The following TEX29 variants were observed in gnomAD, a reference collection of about 807,000 sequenced individuals.
TEX29 encodes the protein testis-expressed protein 29.
A neutral mutation model predicts 18.2 loss-of-function variants in TEX29; 26 were observed. The ratio of observed to expected loss-of-function variants is 1.43; its 90% CI spans 1.04 to 1.98. The LOEUF (loss-of-function observed/expected upper bound fraction) is 1.98. Among genes scored for constraint, TEX29 ranks in the 30% most tolerant of loss-of-function variants. The pLI, the probability that TEX29 is intolerant of heterozygous loss-of-function variation, is 0.00. For synonymous variants in TEX29, 83 were observed against 78.5 expected (o/e 1.06, Z -0.31); for missense variants, 177 against 194.2 (o/e 0.91, Z 0.53).
At chr13:111,326,247 A>AGCGTGAGGCTGTCTGGTGGGGTGGAGGAG (rs2093672786) in intron 2 of TEX29, among the ~76,000 whole-genome samples, 6 of 132,584 alleles carry the variant, frequency 4.5e-5, no homozygotes, top group South Asian at 2.4e-4. Flanking sequence ...GACTGCGGGC[A>AGCGTGAGGCTGTCTGGTGGGGTGGAGGAG]ACGCGAGCCT....
upstream of TEX29, among the ~76,000 whole-genome samples, chr13:111,319,647 A>G (rs2093660517): frequency 6.6e-6 from 1 of 152,128 alleles, no homozygotes. Context: ...TAGTTGATTG[A>G]CACAGTGTCT....
chr13:111,323,409 C>T (rs1178192812), intron 2 of TEX29, among the ~76,000 whole-genome samples: 1 of 152,242 alleles, frequency 6.6e-6, no homozygotes, highest in Non-Finnish European at 1.5e-5. Context: ...GGGGATACAG[C>T]CTCGGCTGCT....
chr13:111,319,892 G>A (rs1028111206), upstream of TEX29, among the ~76,000 whole-genome samples: 2 of 152,112 alleles, frequency 1.3e-5, no homozygotes, highest in African/African-American at 2.4e-5. Context: ...CAAACCTCCC[G>A]ACAGCCGTTT....
chr13:111,339,268 C>T (rs1465007771), intron 3 of TEX29: 1 of 455,044 alleles, frequency 2.2e-6, no homozygotes, highest in East Asian at 6.9e-5. Flanking sequence ...TGTCTATGAT[C>T]CAATAAGTGT....
At chr13:111,331,976 G>T (rs2093683422) in intron 3 of TEX29, among the ~76,000 whole-genome samples, 1 of 152,170 alleles carries the variant, frequency 6.6e-6, no homozygotes, top group South Asian at 2.1e-4. Flanking sequence ...TTTGAAATCA[G>T]AATGTGTGAG....
At chr13:111,332,918 G>A (rs945353699) in intron 3 of TEX29, among the ~76,000 whole-genome samples, 3 of 152,080 alleles carry the variant, frequency 2.0e-5, no homozygotes, top group African/African-American at 7.2e-5. Context: ...TTCGTATAAA[G>A]AAGCTTTGCC....
At chr13:111,326,620 G>C (rs1196916676) in intron 2 of TEX29, among the ~76,000 whole-genome samples, 1 of 147,344 alleles carries the variant, frequency 6.8e-6, no homozygotes, top group Admixed American at 6.7e-5. Context: ...GAGCCTGTCT[G>C]GTGGGGTGGA....
chr13:111,318,251 C>T (rs2093657818), upstream of TEX29, among the ~76,000 whole-genome samples: 1 of 152,126 alleles, frequency 6.6e-6, no homozygotes. Flanking sequence ...GGTAACGGGT[C>T]CCCGTGGCAC....
At chr13:111,327,569 C>A (rs2093676105) in intron 2 of TEX29, among the ~76,000 whole-genome samples, 1 of 152,130 alleles carries the variant, frequency 6.6e-6, no homozygotes, top group Non-Finnish European at 1.5e-5. Context: ...TGGCCCATGG[C>A]CGATCAAGGC....
At chr13:111,334,955 G>A (rs1214831421) in intron 3 of TEX29, among the ~76,000 whole-genome samples, 2 of 152,226 alleles carry the variant, frequency 1.3e-5, no homozygotes, top group Admixed American at 6.5e-5. Flanking sequence ...GAGCTGGAGG[G>A]TGGGCAGGAG....
At chr13:111,327,674 C>A (rs1038409487) in intron 2 of TEX29, among the ~76,000 whole-genome samples, 4 of 152,234 alleles carry the variant, frequency 2.6e-5, no homozygotes, top group Non-Finnish European at 5.9e-5. Flanking sequence ...CTTCCTTTAC[C>A]TCCCACGGCG....
chr13:111,337,924 G>A (rs968356267), intron 3 of TEX29, among the ~76,000 whole-genome samples: 5 of 152,082 alleles, frequency 3.3e-5, no homozygotes, highest in South Asian at 4.2e-4. Context: ...AGGTCACCTC[G>A]GTATGAGGAA....
chr13:111,320,234 C>T (rs9560042), upstream of TEX29, among the ~76,000 whole-genome samples: 25,904 of 152,168 alleles, frequency 0.17, 3,532 homozygotes, highest in East Asian at 0.74. Context: ...GGGCCTGGTC[C>T]GAGGCAGCTA....
chr13:111,316,896 A>G (rs564929928), upstream of TEX29, among the ~76,000 whole-genome samples: 39 of 152,268 alleles, frequency 2.6e-4, no homozygotes, highest in East Asian at 1.9e-3. Context: ...GGGGAAGGGG[A>G]GGCAAGGCAC....
chr13:111,336,316 T>A (rs1012621531), intron 3 of TEX29, among the ~76,000 whole-genome samples: 1 of 152,238 alleles, frequency 6.6e-6, no homozygotes, highest in Admixed American at 6.5e-5. Context: ...TTCTTTGACA[T>A]CTTTCTCATT....
chr13:111,320,961 G>A lies in TEX29; in HGVS notation c.58+13G>A. ...AAGCAATTCACAGGTATGGAGGGAAGGCGCCAGGGGGGCGGGTGGGGTGGG... is the reference window on the plus strand; with the variant it reads ...AAGCAATTCACAGGTATGGAGGGAAAGCGCCAGGGGGGCGGGTGGGGTGGG... On this transcript the variant is annotated intron_variant, in intron 2 of 5. Transcript: ENST00000283547. The A allele has an allele frequency of 6.6e-7, 1 of 1,520,180 alleles. No homozygotes were observed. Among genetic ancestry groups the A allele is most frequent in the Non-Finnish European group, 8.9e-7 (1 of 1,117,330 alleles). The allele number at this position is 1,520,180 out of a possible 1,614,324, so 94.2% of individuals were successfully genotyped here. A position where few individuals can be genotyped will look rare whatever the true frequency, so the allele number is the denominator to read the frequency against.
At chr13:111,325,860 TA>T (rs1236975669) in intron 2 of TEX29, among the ~76,000 whole-genome samples, 6 of 152,222 alleles carry the variant, frequency 3.9e-5, no homozygotes, top group Non-Finnish European at 8.8e-5. Flanking sequence ...TGAATAAAAA[TA>T]ATGCTTCGTT....
At chr13:111,320,995 TGGGGG>T in intron 2 of TEX29, 47 bp downstream of exon 2, 1 of 320,864 alleles carries the variant, frequency 3.1e-6, no homozygotes, top group Non-Finnish European at 5.8e-6. Flanking sequence ...GGGGAGCAGT[TGGGGG>T]GGGGCACAGG....
At chr13:111,336,742 T>C (rs556800283) in intron 3 of TEX29, among the ~76,000 whole-genome samples, 2 of 152,366 alleles carry the variant, frequency 1.3e-5, no homozygotes, top group African/African-American at 4.8e-5. Flanking sequence ...GCTGCTGTTC[T>C]GAAAGATAAA....
Sources: gnomAD v4.1 joint callset for allele counts (sites outside exome capture counted in the v4.1 genomes callset) on GRCh38, gnomAD v4.1.1 for gene constraint, MANE v1.5 for transcripts, NCBI Gene and HGNC (gene_info 2026-07-23, HGNC 2026-07-21) for gene names.